The following SHB variants were observed in gnomAD, a reference collection of about 807,000 sequenced individuals.
SHB encodes SH2 domain-containing adapter protein B.
A neutral mutation model predicts 52.3 loss-of-function variants in SHB; 20 were observed. The ratio of observed to expected loss-of-function variants is 0.38; its 90% CI spans 0.27 to 0.56. The LOEUF (loss-of-function observed/expected upper bound fraction) is 0.56. SHB is among the 20% of genes least tolerant of loss of function. SHB has a pLI of 0.71. For missense variants in SHB, 825 were observed against 723.3 expected, an observed-to-expected ratio of 1.14 and a Z score of -1.61; for synonymous variants, 397 against 316.5, an observed-to-expected ratio of 1.25 and a Z score of -2.70.
chr9:38,060,447 A>G (rs533441900), intron 1 of SHB, among the ~76,000 whole-genome samples: 2 of 151,870 alleles, frequency 1.3e-5, no homozygotes, highest in South Asian at 4.2e-4. Flanking sequence ...CTGGGATTAC[A>G]GGAAGTGCTG....
In SHB at chr9:37,918,613, C is replaced by G. The variant is rs1191005099; in HGVS notation, c.*1208G>C. ...CTCCATGGGCAGGGTGACAGCAAGG[C>G]CATGCAGAACCAACGAAAGAGCATT... On this transcript the variant is annotated 3_prime_UTR_variant, in exon 6 of 6. Coordinates refer to ENST00000377707, the MANE Select transcript of SHB (RefSeq NM_003028.3). Among the ~76,000 whole-genome samples the G allele has an allele frequency of 3.9e-5, 6 of 152,134 alleles. No homozygotes were observed. Among genetic ancestry groups the G allele is most frequent in the Admixed American group, 3.9e-4 (6 of 15,280 alleles).
At chr9:37,988,833 G>C (rs115358809) in intron 2 of SHB, among the ~76,000 whole-genome samples, 456 of 152,308 alleles carry the variant, frequency 3.0e-3, no homozygotes, top group African/African-American at 0.01. Flanking sequence ...ACCTTCTCCC[G>C]AGTCAGAGAG....
intron 1 of SHB, among the ~76,000 whole-genome samples, chr9:38,039,716 T>C (rs1383395382): frequency 2.0e-5 from 3 of 152,234 alleles, no homozygotes; most frequent in Non-Finnish European, 4.4e-5. Context: ...ATATAAGAAG[T>C]ACCTCAGGGA....
At chr9:38,031,731 C>T (rs73646135) in intron 1 of SHB, among the ~76,000 whole-genome samples, 16,961 of 152,214 alleles carry the variant, frequency 0.11, 1,898 homozygotes, top group African/African-American at 0.28. Flanking sequence ...CTGTATGAAT[C>T]GGGCCCAGAA....
rs780005330 is a variant in SHB at position 38,068,049 on chromosome 9, G to A, written c.597C>T (p.Pro199=). 2 of 1,501,720 alleles carry A rather than the reference G, an allele frequency of 1.3e-6. No homozygotes were observed. The highest frequency in any genetic ancestry group is 2.1e-4 in the Middle Eastern group (1 of 4,792). The allele number at this position is 1,501,720 out of a possible 1,614,324, so 93.0% of individuals were successfully genotyped here. A position where few individuals can be genotyped will look rare whatever the true frequency, so the allele number is the denominator to read the frequency against. The change falls in exon 1 of 6, where the codon CCC becomes CCT. Residue 199 remains proline (P), a synonymous_variant. Transcript: ENST00000377707. ...ESAAGGGAGD[P]LGGACAGGRT... ...GGCCGCCCGCGCAGGCGCCCCCCAG[G>A]GGGTCCCCGGCCCCACCGCCCGCGG...
At chr9:37,955,436 G>A (rs1976936) in intron 4 of SHB, among the ~76,000 whole-genome samples, 10,260 of 152,174 alleles carry the variant, frequency 0.067, 443 homozygotes, top group South Asian at 0.11. Flanking sequence ...GGTAGGGGCA[G>A]GCTAGAAGGC....
intron 2 of SHB, among the ~76,000 whole-genome samples, chr9:38,007,964 G>A (rs572953942): frequency 6.6e-6 from 1 of 152,280 alleles, no homozygotes; most frequent in South Asian, 2.1e-4. Flanking sequence ...TTTGGTCCCA[G>A]AGGCTGTACC....
chr9:38,015,586 C>G, intron 2 of SHB: 1 of 646,858 alleles, frequency 1.5e-6, no homozygotes, highest in South Asian at 1.7e-5. Flanking sequence ...CTGGCCAGCT[C>G]TCTTCTACTA....
At chr9:37,930,430 G>A (rs887173455) in intron 5 of SHB, among the ~76,000 whole-genome samples, 32 of 152,016 alleles carry the variant, frequency 2.1e-4, no homozygotes, top group Admixed American at 2.1e-3. Context: ...AGGGGGAGGG[G>A]ACATGCAGGG....
chr9:37,927,544 G>C (rs1832264560), intron 5 of SHB, among the ~76,000 whole-genome samples: 1 of 152,206 alleles, frequency 6.6e-6, no homozygotes, highest in South Asian at 2.1e-4. Context: ...AGGAGAGCTG[G>C]CAGATGCCTC....
At chr9:38,066,416 C>T (rs979212699) in intron 1 of SHB, among the ~76,000 whole-genome samples, 6 of 152,066 alleles carry the variant, frequency 3.9e-5, no homozygotes, top group Non-Finnish European at 4.4e-5. Context: ...TTCAGCCATG[C>T]ATAAGACTGC....
intron 1 of SHB, among the ~76,000 whole-genome samples, chr9:38,030,659 A>C (rs542043129): frequency 6.6e-6 from 1 of 152,120 alleles, no homozygotes; most frequent in African/African-American, 2.4e-5. Context: ...GCCTGCCATC[A>C]CCATTTGGAA....
rs184287627 is a variant in SHB at position 38,006,316 on chromosome 9, C to T, written c.838+9695G>A. 3.7e-4 allele frequency among the ~76,000 whole-genome samples: 57 copies of T among 152,316 alleles called. No individual in the cohort carries two copies. The East Asian group carries it at 5.0e-3, about 13-fold the overall frequency. ...CAAGATTCCATCCCACACTCCCAGGCGGGCCTGTTTTCCTAAATGACTTCC... is the reference window on the plus strand; with the variant it reads ...CAAGATTCCATCCCACACTCCCAGGTGGGCCTGTTTTCCTAAATGACTTCC... On this transcript the variant is annotated intron_variant, in intron 2 of 5. Coordinates refer to ENST00000377707, the MANE Select transcript of SHB (RefSeq NM_003028.3).
intron 2 of SHB, among the ~76,000 whole-genome samples, chr9:38,000,835 A>C (rs1290653590): frequency 6.6e-6 from 1 of 152,180 alleles, no homozygotes; most frequent in Non-Finnish European, 1.5e-5. Flanking sequence ...GCAGGTGCCA[A>C]AGCCTGGCTT....
At chr9:37,968,276 C>G (rs1297679957) in intron 3 of SHB, among the ~76,000 whole-genome samples, 1 of 152,104 alleles carries the variant, frequency 6.6e-6, no homozygotes, top group Non-Finnish European at 1.5e-5. Context: ...GAAGTTGTGA[C>G]CATCCCCATT....
chr9:38,030,153 T>C (rs1009701859), intron 1 of SHB, among the ~76,000 whole-genome samples: 5 of 152,202 alleles, frequency 3.3e-5, no homozygotes, highest in African/African-American at 4.8e-5. Context: ...TGGACCCAGC[T>C]ATCACACCAG....
At position 37,918,845 on chromosome 9, in the gene SHB, G is replaced by GT. The variant is rs1040872121; in HGVS notation, c.*975dup. On this transcript the variant is annotated 3_prime_UTR_variant, in exon 6 of 6. Coordinates refer to ENST00000377707, the MANE Select transcript of SHB (RefSeq NM_003028.3). The stretch of plus-strand genomic sequence containing the variant: ...GTCCCACTGCAGGAGGGAAAGACTG[G>GT]TTTTTTGGTCAACACTGGAGGCTCC... Among the ~76,000 whole-genome samples, 1 of 146,090 alleles carries GT rather than the reference G, an allele frequency of 6.8e-6. No individual in the cohort carries two copies. Among genetic ancestry groups the GT allele is most frequent in the Non-Finnish European group, 1.5e-5 (1 of 67,966 alleles).
intron 1 of SHB, among the ~76,000 whole-genome samples, chr9:38,026,028 G>T (rs1821337657): frequency 6.6e-6 from 1 of 152,214 alleles, no homozygotes; most frequent in African/African-American, 2.4e-5. Flanking sequence ...CTTCTGATAG[G>T]CACAGCCTGT....
intron 5 of SHB, among the ~76,000 whole-genome samples, chr9:37,927,408 T>TA (rs1357429006): frequency 6.6e-6 from 1 of 152,124 alleles, no homozygotes; most frequent in Non-Finnish European, 1.5e-5. Context: ...ACCAAATAAT[T>TA]AGACTTTCAA....
Sources: gnomAD v4.1 joint callset for allele counts (sites outside exome capture counted in the v4.1 genomes callset) on GRCh38, gnomAD v4.1.1 for gene constraint, MANE v1.5 for transcripts, NCBI Gene and HGNC (gene_info 2026-07-23, HGNC 2026-07-21) for gene names.